Variants in ELAVL1 observed in about 807,000 individuals in gnomAD.
The protein encoded by ELAVL1 is ELAV like RNA binding protein 1, also known as ELAV-like protein 1.
Under a neutral mutation model 28.4 loss-of-function variants are expected in ELAVL1, and 1 was observed. That is an observed-to-expected ratio of 0.04 (90% CI 0.01 to 0.17). ELAVL1 has a LOEUF of 0.17. Ranked by LOEUF, ELAVL1 falls within the 10% of genes least tolerant of loss-of-function variation. The pLI is 1.00. For synonymous variants in ELAVL1, 174 were observed against 183.5 expected, an observed-to-expected ratio of 0.95 and a Z score of 0.42; for missense variants, 157 against 447.2, an observed-to-expected ratio of 0.35 and a Z score of 5.85.
At position 7,962,239 on chromosome 19, in the gene ELAVL1, A is replaced by T. The variant is rs1367100720; in HGVS notation, c.*1244T>A. 6.5e-6 allele frequency: 1 copy of T among 153,792 alleles called. No individual in the cohort carries two copies. The highest frequency in any genetic ancestry group is 2.4e-5 in the African/African-American group (1 of 41,466). 9.5% of individuals were successfully genotyped at this position (153,792 alleles called of 1,614,324 possible). On this transcript the variant is annotated 3_prime_UTR_variant, in exon 6 of 6. Transcript: ENST00000407627. Reference sequence around the variant, plus strand: ...CCACCTGCACCTTCCCTAGCCAAAAAGAAAGAAAAGGTAAAATAAAAAACA... The same window carrying T: ...CCACCTGCACCTTCCCTAGCCAAAATGAAAGAAAAGGTAAAATAAAAAACA...
At position 7,963,954 on chromosome 19, in the gene ELAVL1, G is replaced by C; in HGVS notation, c.657-147C>G. The C allele has an allele frequency of 1.1e-6, 1 of 873,548 alleles. No homozygotes were observed. Among genetic ancestry groups the C allele is most frequent in the Non-Finnish European group, 1.7e-6 (1 of 583,874 alleles). 54.1% of individuals were successfully genotyped at this position (873,548 alleles called of 1,614,324 possible). On this transcript the variant is annotated intron_variant, in intron 5 of 5. Coordinates refer to ENST00000407627, the MANE Select transcript of ELAVL1 (RefSeq NM_001419.3). This position sits in a 1 kb window ranked among gnomAD's most constrained non-coding sequence, Gnocchi z 4.5. ...TGCTCACGGTTGAGACACCTGCATG[G>C]GTCAAAACCCTGGGAGGAATTAAAT...
intron 1 of ELAVL1, among the ~76,000 whole-genome samples, chr19:7,993,582 C>A (rs1908847073): frequency 6.6e-6 from 1 of 152,222 alleles, no homozygotes; most frequent in African/African-American, 2.4e-5. Flanking sequence ...GGAGAAGAGT[C>A]CAGATCAATG....
chr19:7,986,594 G>A lies in ELAVL1; in HGVS notation c.172+5050C>T, dbSNP rs557929405. Reference sequence around the variant, plus strand: ...AGAGCGAGTTAGCGACAGGGACCAAGAGCCTTTAAAAGGTGCGCTCTCCCA... The same window carrying A: ...AGAGCGAGTTAGCGACAGGGACCAAAAGCCTTTAAAAGGTGCGCTCTCCCA... On this transcript the variant is annotated intron_variant, in intron 2 of 5. Coordinates refer to ENST00000407627, the MANE Select transcript of ELAVL1 (RefSeq NM_001419.3). Among the ~76,000 whole-genome samples, 4 of 152,308 alleles carry A rather than the reference G, an allele frequency of 2.6e-5. No homozygotes were observed. In the South Asian group the frequency reaches 8.3e-4, roughly 32 times the overall value.
intron 4 of ELAVL1, among the ~76,000 whole-genome samples, chr19:7,969,584 TTTTC>T (rs1420630073): frequency 7.9e-5 from 12 of 152,140 alleles, no homozygotes; most frequent in African/African-American, 2.4e-4. Flanking sequence ...ACAGATGCTG[TTTTC>T]TTTGAGTCTC....
At position 7,982,069 on chromosome 19, in the gene ELAVL1, C is replaced by A. The variant is rs1985479557; in HGVS notation, c.173-883G>T. 6.6e-6 allele frequency among the ~76,000 whole-genome samples: 1 copy of A among 152,172 alleles called. No homozygotes were observed. The highest frequency in any genetic ancestry group is 2.1e-4 in the South Asian group (1 of 4,830). The stretch of plus-strand genomic sequence containing the variant: ...AGGTTCACAGGCAGATGTCCCTGTA[C>A]CCCCTTTGTGAAACACTCAGCACAG... On this transcript the variant is annotated intron_variant, in intron 2 of 5. Transcript: ENST00000407627. This position sits in a 1 kb window ranked among gnomAD's most constrained non-coding sequence, Gnocchi z 4.3.
chr19:7,989,988 C>T (rs1382561177), intron 2 of ELAVL1, among the ~76,000 whole-genome samples: 1 of 152,160 alleles, frequency 6.6e-6, no homozygotes, highest in East Asian at 1.9e-4. Context: ...ACTCTATGTT[C>T]ATGTATGCCT....
intron 1 of ELAVL1, among the ~76,000 whole-genome samples, chr19:8,003,368 AAAAAAAG>A (rs2081075221): frequency 8.2e-5 from 11 of 134,242 alleles, no homozygotes; most frequent in South Asian, 2.3e-4. Flanking sequence ...AAAAAAAAAA[AAAAAAAG>A]AAAAAGAAAA....
At chr19:7,992,949 A>C (rs1384446419) in intron 1 of ELAVL1, among the ~76,000 whole-genome samples, 1 of 152,142 alleles carries the variant, frequency 6.6e-6, no homozygotes, top group African/African-American at 2.4e-5. Flanking sequence ...CTGATTTTTA[A>C]AACTTTTTGT....
chr19:7,998,695 C>A (rs1387830245), intron 1 of ELAVL1, among the ~76,000 whole-genome samples: 1 of 152,074 alleles, frequency 6.6e-6, no homozygotes, highest in Non-Finnish European at 1.5e-5. Flanking sequence ...GTTGCCCAGG[C>A]TGGTCTTGAA....
chr19:7,967,524 G>C (rs749481743), intron 5 of ELAVL1, 41 bp downstream of exon 5: 21 of 1,597,992 alleles, frequency 1.3e-5, no homozygotes, highest in East Asian at 4.5e-5. Flanking sequence ...TGCCAGCGGG[G>C]CTAAGTATGG....
At chr19:7,992,959 T>C (rs1297028459) in intron 1 of ELAVL1, among the ~76,000 whole-genome samples, 1 of 152,172 alleles carries the variant, frequency 6.6e-6, no homozygotes, top group African/African-American at 2.4e-5. Context: ...AAACTTTTTG[T>C]AGAGATGGTA....
intron 1 of ELAVL1, among the ~76,000 whole-genome samples, chr19:7,996,470 T>A (rs2081049548): frequency 6.7e-6 from 1 of 148,314 alleles, no homozygotes; most frequent in Non-Finnish European, 1.5e-5. Context: ...ATTACAGGCG[T>A]GAGCCACCAC....
chr19:7,974,014 C>T (rs1985201904), intron 3 of ELAVL1, 136 bp from the exon 4 acceptor site: 3 of 1,174,968 alleles, frequency 2.6e-6, no homozygotes, highest in South Asian at 3.2e-5. Context: ...ATCACTGACG[C>T]TCACCGCCTG....
In ELAVL1 at chr19:7,981,714, T is replaced by C. The variant is rs530379212; in HGVS notation, c.173-528A>G. On this transcript the variant is annotated intron_variant, in intron 2 of 5. Transcript: ENST00000407627. The surrounding 1 kb of genome is among the most constrained non-coding windows in gnomAD (Gnocchi z 4.2). ...AATTAAAATAACCCCAAAAGTTATTTACAAAGGAGTATTTTTTAAAAATAC... is the reference window on the plus strand; with the variant it reads ...AATTAAAATAACCCCAAAAGTTATTCACAAAGGAGTATTTTTTAAAAATAC... Among the ~76,000 whole-genome samples, 1 of 152,268 alleles carries C rather than the reference T, an allele frequency of 6.6e-6. No homozygotes were observed. Among genetic ancestry groups the C allele is most frequent in the African/African-American group, 2.4e-5 (1 of 41,538 alleles).
chr19:8,002,476 C>T (rs566467768), intron 1 of ELAVL1, among the ~76,000 whole-genome samples: 3 of 152,336 alleles, frequency 2.0e-5, no homozygotes, highest in East Asian at 1.9e-4. Context: ...AGGGAGCGAG[C>T]CTCACTTCCC....
At chr19:8,005,121 C>G (rs1389817796) in intron 1 of ELAVL1, among the ~76,000 whole-genome samples, 1 of 152,156 alleles carries the variant, frequency 6.6e-6, no homozygotes, top group African/African-American at 2.4e-5. Flanking sequence ...GGGCCGTGAC[C>G]TCTGCGCGCT....
At chr19:7,977,368 G>A (rs910931760) in intron 3 of ELAVL1, among the ~76,000 whole-genome samples, 7 of 152,112 alleles carry the variant, frequency 4.6e-5, no homozygotes, top group Admixed American at 6.6e-5. Context: ...TTCACTACTC[G>A]AAACATCAGC....
At chr19:8,004,468 C>T (rs2145234361) in intron 1 of ELAVL1, among the ~76,000 whole-genome samples, 1 of 152,248 alleles carries the variant, frequency 6.6e-6, no homozygotes, top group African/African-American at 2.4e-5. Flanking sequence ...TTTGGAGATA[C>T]TTTTGATCCT....
At chr19:7,995,841 T>G (rs1470175759) in intron 1 of ELAVL1, among the ~76,000 whole-genome samples, 1 of 151,114 alleles carries the variant, frequency 6.6e-6, no homozygotes, top group Admixed American at 6.6e-5. Context: ...TTTTGCTCTG[T>G]GAAAGATACT....
Sources: allele counts gnomAD v4.1 joint callset (sites outside exome capture counted in the v4.1 genomes callset), GRCh38; gene constraint gnomAD v4.1.1; non-coding constraint Gnocchi (gnomAD v3.1); transcripts MANE v1.5; gene names NCBI Gene and HGNC (gene_info 2026-07-23, HGNC 2026-07-21).